PPP2R3A: variants seen among roughly 807,000 people sequenced by gnomAD.
PPP2R3A encodes serine/threonine-protein phosphatase 2A regulatory subunit B'' subunit alpha.
In PPP2R3A, 80 loss-of-function variants were observed where a neutral mutation model predicts 106.9. The observed-to-expected ratio is 0.75, with a 90% CI of 0.62 to 0.90. PPP2R3A has a LOEUF of 0.90. Ranked by LOEUF, PPP2R3A falls within the 40% of genes least tolerant of loss-of-function variation. The pLI is 0.00. For synonymous variants in PPP2R3A, 483 were observed against 468.3 expected, an observed-to-expected ratio of 1.03 and a Z score of -0.41; for missense variants, 1,386 against 1,350.4, an observed-to-expected ratio of 1.03 and a Z score of -0.41.
At chr3:136,124,756 G>C (rs1938122223) in intron 13 of PPP2R3A, among the ~76,000 whole-genome samples, 1 of 151,684 alleles carries the variant, frequency 6.6e-6, no homozygotes, top group African/African-American at 2.4e-5. Context: ...TAAAGGTTCA[G>C]CTAAACCAAC....
At chr3:135,973,715 CT>C (rs1274686780) in intron 1 of PPP2R3A, among the ~76,000 whole-genome samples, 1 of 152,156 alleles carries the variant, frequency 6.6e-6, no homozygotes, top group Non-Finnish European at 1.5e-5. Flanking sequence ...ACTCTATCAG[CT>C]TTTAAACTTC....
chr3:135,988,267 A>G (rs568768672), intron 1 of PPP2R3A, among the ~76,000 whole-genome samples: 1 of 151,414 alleles, frequency 6.6e-6, no homozygotes, highest in Non-Finnish European at 1.5e-5. Context: ...AAAAAAAAAA[A>G]CAGTTTTTTT....
chr3:136,116,154 C>T (rs544333518), intron 13 of PPP2R3A, among the ~76,000 whole-genome samples: 8 of 152,136 alleles, frequency 5.3e-5, no homozygotes, highest in Non-Finnish European at 1.0e-4. Context: ...GCTTCACAAG[C>T]GAAAGAGAAA....
intron 13 of PPP2R3A, among the ~76,000 whole-genome samples, chr3:136,120,400 C>T (rs1339620058): frequency 6.6e-6 from 1 of 152,116 alleles, no homozygotes; most frequent in Non-Finnish European, 1.5e-5. Context: ...CCAGCCTGAA[C>T]AACATGGTGA....
intron 10 of PPP2R3A, among the ~76,000 whole-genome samples, chr3:136,093,277 C>T (rs1046259728): frequency 1.3e-5 from 2 of 152,102 alleles, no homozygotes; most frequent in African/African-American, 2.4e-5. Flanking sequence ...GGCACAGCGG[C>T]ACGCGCCTGT....
chr3:136,010,369 G>A lies in PPP2R3A; in HGVS notation c.1995+6876G>A, dbSNP rs143479792. ...TGCCTCCCTCGATTCTCCTGCCTCAGCCTCCCGAGCAGCTGGGACTACAGG... is the reference window on the plus strand; with the variant it reads ...TGCCTCCCTCGATTCTCCTGCCTCAACCTCCCGAGCAGCTGGGACTACAGG... On this transcript the variant is annotated intron_variant, in intron 2 of 13. Coordinates refer to ENST00000264977, the MANE Select transcript of PPP2R3A (RefSeq NM_002718.5). Among the ~76,000 whole-genome samples, 321 of 136,708 alleles carry A rather than the reference G, an allele frequency of 2.3e-3. 1 individual carries two copies. The highest frequency in any genetic ancestry group is 8.6e-3 in the African/African-American group (306 of 35,582). 89.7% of individuals were successfully genotyped at this position (136,708 alleles called of 152,430 possible).
In PPP2R3A at chr3:136,025,157, C is replaced by G. The variant is rs552366407; in HGVS notation, c.1996-1675C>G. Among the ~76,000 whole-genome samples, 10 of 152,220 alleles carry G rather than the reference C, an allele frequency of 6.6e-5. No individual in the cohort carries two copies. In the South Asian group the frequency reaches 2.1e-3, roughly 32 times the overall value. On this transcript the variant is annotated intron_variant, in intron 2 of 13. Transcript: ENST00000264977. ...ATCTCTGCCCAGCACTGTTCTAAAC[C>G]TTTTACCTATATTACATCTTGTAAT... is the stretch of plus-strand genomic sequence containing the variant.
chr3:136,102,057 C>G lies in PPP2R3A; in HGVS notation c.2978C>G (p.Ser993Cys), dbSNP rs999887851. ...CMDVDGDGVLSMYELEYFYEE... is the reference protein window; with the variant it reads ...CMDVDGDGVLCMYELEYFYEE... Reference sequence around the variant, plus strand: ...GATGTGGATGGAGACGGTGTACTCTCCATGTATGAGCTGGAGTACTTCTAT... The same window carrying G: ...GATGTGGATGGAGACGGTGTACTCTGCATGTATGAGCTGGAGTACTTCTAT... The change falls in exon 11 of 14, where the codon TCC (serine) becomes TGC (cysteine). Residue 993 changes from serine to cysteine, a missense_variant. Ser to Cys is a moderately radical substitution (Grantham distance 112). Coordinates refer to ENST00000264977, the MANE Select transcript of PPP2R3A (RefSeq NM_002718.5). The G allele has an allele frequency of 3.1e-6, 5 of 1,613,892 alleles. No homozygotes were observed. In the African/African-American group the frequency reaches 6.7e-5, roughly 22 times the overall value.
intron 1 of PPP2R3A, among the ~76,000 whole-genome samples, chr3:135,988,751 C>G (rs1933031535): frequency 6.6e-6 from 1 of 152,162 alleles, no homozygotes; most frequent in South Asian, 2.1e-4. Context: ...ATGAATTTCT[C>G]TGCTTCCTCA....
chr3:136,055,518 C>T (rs1015807036), intron 5 of PPP2R3A: 17 of 1,221,582 alleles, frequency 1.4e-5, no homozygotes, highest in Middle Eastern at 1.9e-4. Flanking sequence ...CAGGTTCTAT[C>T]GTGCCTCATT....
chr3:136,011,784 C>T (rs1420788797), intron 2 of PPP2R3A, among the ~76,000 whole-genome samples: 1 of 152,156 alleles, frequency 6.6e-6, no homozygotes, highest in Non-Finnish European at 1.5e-5. Context: ...TCTGTCATCC[C>T]CTCTCATGGA....
chr3:136,063,081 C>T (rs1267077008), intron 5 of PPP2R3A, among the ~76,000 whole-genome samples: 1 of 152,084 alleles, frequency 6.6e-6, no homozygotes, highest in African/African-American at 2.4e-5. Context: ...AGATATAGAC[C>T]AATGGAATAG....
Position 136,078,464 on chromosome 3 carries a change from C to T in PPP2R3A, c.2631+11C>T, listed in dbSNP as rs760303269. On this transcript the variant is annotated intron_variant, in intron 7 of 13. Coordinates refer to ENST00000264977, the MANE Select transcript of PPP2R3A (RefSeq NM_002718.5). ...AGCAACTTTTTGCAAGTATGCCTTT[C>T]ATTAGAATTCATGTGTAATGAGCAA... The T allele has an allele frequency of 2.0e-6, 3 of 1,498,256 alleles. No homozygotes were observed. Among genetic ancestry groups the T allele is most frequent in the Non-Finnish European group, 2.8e-6 (3 of 1,080,636 alleles). 92.8% of individuals were successfully genotyped at this position (1,498,256 alleles called of 1,614,324 possible). A position where few individuals can be genotyped will look rare whatever the true frequency, so the allele number is the denominator to read the frequency against.
At chr3:136,141,907 C>T (rs886935867) in intron 13 of PPP2R3A, among the ~76,000 whole-genome samples, 2 of 152,076 alleles carry the variant, frequency 1.3e-5, no homozygotes, top group African/African-American at 2.4e-5. Flanking sequence ...TTGGGATAAC[C>T]GAGTTTCTGG....
chr3:136,082,357 G>A lies in PPP2R3A; in HGVS notation c.2724G>A (p.Trp908Ter). 1 of 1,612,488 alleles carries A rather than the reference G, an allele frequency of 6.2e-7. No individual in the cohort carries two copies. Among genetic ancestry groups the A allele is most frequent in the Non-Finnish European group, 8.5e-7 (1 of 1,178,662 alleles). The change falls in exon 8 of 14, where the codon TGG becomes TGA. Residue 908 changes from tryptophan (W) to a stop codon, truncating the protein, a stop_gained. Transcript: ENST00000264977. LOFTEE classifies it high-confidence loss of function. ...TCTATGTTATTTATTGTAAATTCTG[G>A]GAACTAGATACTGATCACGACCTCT... ...EHFYVIYCKF[W>*]ELDTDHDLYI...
chr3:136,058,174 C>T (rs776652127), intron 5 of PPP2R3A, among the ~76,000 whole-genome samples: 12 of 152,138 alleles, frequency 7.9e-5, no homozygotes, highest in Non-Finnish European at 1.8e-4. Flanking sequence ...ATTGGAAGTT[C>T]TAGTCAGGGC....
rs1262306853 is a variant in PPP2R3A, at chr3:136,002,444, A to C, written c.946A>C (p.Ser316Arg). The C allele has an allele frequency of 6.2e-7, 1 of 1,613,916 alleles. No homozygotes were observed. Among genetic ancestry groups the C allele is most frequent in the Admixed American group, 1.7e-5 (1 of 60,016 alleles). The change falls in exon 2 of 14, where the codon AGC becomes CGC. Residue 316 changes from serine (S) to arginine (R), a missense_variant. Coordinates refer to ENST00000264977, the MANE Select transcript of PPP2R3A (RefSeq NM_002718.5). ...DLTELISNMP[S>R]LQLTPFSPVF... ...AACAGAACTGATCAGTAATATGCCT[A>C]GCTTACAACTGACTCCCTTCTCCCC...
chr3:135,966,567 T>C (rs956827746), intron 1 of PPP2R3A, among the ~76,000 whole-genome samples: 17 of 152,112 alleles, frequency 1.1e-4, no homozygotes, highest in Non-Finnish European at 2.1e-4. Flanking sequence ...CTGGCCGGGC[T>C]TGGAGTTGAT....
At chr3:136,028,327 A>G (rs1173477493) in intron 3 of PPP2R3A, among the ~76,000 whole-genome samples, 18 of 152,246 alleles carry the variant, frequency 1.2e-4, no homozygotes, top group Admixed American at 1.2e-3. Flanking sequence ...AAAGGAAATG[A>G]AAAGGAATTC....
Sources: allele counts gnomAD v4.1 joint callset (sites outside exome capture counted in the v4.1 genomes callset), GRCh38; gene constraint gnomAD v4.1.1; transcripts MANE v1.5; gene names NCBI Gene and HGNC (gene_info 2026-07-23, HGNC 2026-07-21).